Variants in NCAM2 observed in about 807,000 individuals in gnomAD.
The protein encoded by NCAM2 is N-CAM-2.
A neutral mutation model predicts 98.1 loss-of-function variants in NCAM2; 30 were observed. The observed-to-expected ratio is 0.31, with a 90% CI of 0.23 to 0.41. The LOEUF (loss-of-function observed/expected upper bound fraction) is 0.41, where lower values mean the gene tolerates loss of function less well. Among genes scored for constraint, NCAM2 ranks in the 10% least tolerant of loss-of-function variants. The pLI is 1.00. For missense variants in NCAM2, 867 were observed against 1,005.8 expected (o/e 0.86, Z 1.87); for synonymous variants, 368 against 342.4 (o/e 1.07, Z -0.83).
At chr21:21,025,180 G>A (rs904025321) in intron 1 of NCAM2, among the ~76,000 whole-genome samples, 2 of 151,886 alleles carry the variant, frequency 1.3e-5, no homozygotes, top group African/African-American at 4.8e-5. Context: ...CCGCCTCCCG[G>A]GTTCATGCCA....
intron 3 of NCAM2, among the ~76,000 whole-genome samples, chr21:21,285,587 A>AT (rs1392355601): frequency 6.6e-6 from 1 of 152,014 alleles, no homozygotes; most frequent in African/African-American, 2.4e-5. Context: ...GAATTGTGAC[A>AT]TTTGCAAAGG....
chr21:21,193,702 G>A (rs921490703), intron 1 of NCAM2, among the ~76,000 whole-genome samples: 1 of 151,880 alleles, frequency 6.6e-6, no homozygotes, highest in Non-Finnish European at 1.5e-5. Context: ...CACCATGTTG[G>A]CCAGGATGGT....
At chr21:21,229,230 G>A (rs1197760772) in intron 1 of NCAM2, among the ~76,000 whole-genome samples, 2 of 151,478 alleles carry the variant, frequency 1.3e-5, no homozygotes, top group African/African-American at 2.4e-5. Context: ...TCAAATGCCT[G>A]TCACTTTAAT....
At chr21:21,016,729 TA>T (rs1315249048) in intron 1 of NCAM2, among the ~76,000 whole-genome samples, 1 of 151,932 alleles carries the variant, frequency 6.6e-6, no homozygotes, top group Non-Finnish European at 1.5e-5. Context: ...TATATCTGCT[TA>T]TATATTATTA....
Position 21,537,968 on chromosome 21 carries a change from A to T in NCAM2, c.*11A>T. ...GACAGCAAAGCATAACAACAATATT[A>T]CAGGGGCTTGAACAACACTACGAAG... On this transcript the variant is annotated 3_prime_UTR_variant, in exon 18 of 18. Transcript: ENST00000400546. 1 of 1,444,116 alleles carries T rather than the reference A, an allele frequency of 6.9e-7. No individual in the cohort carries two copies. Among genetic ancestry groups the T allele is most frequent in the Non-Finnish European group, 9.5e-7 (1 of 1,055,276 alleles). 89.5% of individuals were successfully genotyped at this position (1,444,116 alleles called of 1,614,324 possible).
chr21:21,385,551 A>C (rs1257797403), intron 9 of NCAM2: 4 of 841,012 alleles, frequency 4.8e-6, no homozygotes, highest in African/African-American at 3.5e-5. Context: ...CACTAAACTT[A>C]AGGTGTTAGA....
chr21:21,370,333 A>C (rs2148035112), intron 8 of NCAM2, among the ~76,000 whole-genome samples: 1 of 151,916 alleles, frequency 6.6e-6, no homozygotes, highest in South Asian at 2.1e-4. Flanking sequence ...AAACGTGCTA[A>C]TTTATTCCCA....
chr21:21,417,917 T>C (rs2077026004), intron 10 of NCAM2, among the ~76,000 whole-genome samples: 1 of 152,054 alleles, frequency 6.6e-6, no homozygotes, highest in African/African-American at 2.4e-5. Context: ...CCTCCTTCGT[T>C]AGTATTATAT....
intron 1 of NCAM2, among the ~76,000 whole-genome samples, chr21:21,256,252 A>G (rs145300407): frequency 6.6e-6 from 1 of 152,084 alleles, no homozygotes; most frequent in Non-Finnish European, 1.5e-5. Flanking sequence ...GCAACTAGGG[A>G]GGCTGAGGCA....
chr21:21,354,356 T>C (rs1732998101), intron 8 of NCAM2, among the ~76,000 whole-genome samples: 1 of 152,216 alleles, frequency 6.6e-6, no homozygotes, highest in Non-Finnish European at 1.5e-5. Context: ...ATCTCTTTTC[T>C]GTATTCATGT....
intron 1 of NCAM2, among the ~76,000 whole-genome samples, chr21:21,200,330 C>T (rs1438777164): frequency 6.7e-6 from 1 of 149,096 alleles, no homozygotes; most frequent in Non-Finnish European, 1.5e-5. Context: ...TGAGGGTTCT[C>T]AGAAGTCGCA....
At chr21:21,286,459 C>A (rs201311347) in intron 4 of NCAM2, 47 bp downstream of exon 4, 3 of 1,539,446 alleles carry the variant, frequency 1.9e-6, no homozygotes, top group Non-Finnish European at 2.6e-6. Context: ...AATACTATTG[C>A]AGTTTTTAAA....
chr21:21,504,279 C>T (rs1987828742), intron 15 of NCAM2, among the ~76,000 whole-genome samples: 1 of 151,814 alleles, frequency 6.6e-6, no homozygotes, highest in South Asian at 2.1e-4. Flanking sequence ...TCTCAGTTTT[C>T]TTTTATGTAA....
intron 1 of NCAM2, among the ~76,000 whole-genome samples, chr21:21,026,943 A>C (rs1341383025): frequency 7.1e-6 from 1 of 141,118 alleles, no homozygotes; most frequent in East Asian, 2.1e-4. Flanking sequence ...CACAACCTCC[A>C]CCTCCCAGGC....
chr21:21,433,090 A>G (rs2077380090), intron 12 of NCAM2, among the ~76,000 whole-genome samples: 1 of 152,208 alleles, frequency 6.6e-6, no homozygotes, highest in African/African-American at 2.4e-5. Flanking sequence ...GAACATAGAG[A>G]GAAAGCAAAT....
intron 12 of NCAM2, among the ~76,000 whole-genome samples, chr21:21,460,043 A>G (rs553563800): frequency 2.0e-4 from 30 of 152,076 alleles, no homozygotes; most frequent in African/African-American, 6.7e-4. Context: ...ATATCAAAAC[A>G]TCAAGTTAAA....
chr21:21,270,100 C>A (rs981105653), intron 1 of NCAM2, among the ~76,000 whole-genome samples: 4 of 152,024 alleles, frequency 2.6e-5, no homozygotes, highest in Admixed American at 2.0e-4. Context: ...TTTAGTACTG[C>A]GTAATATTAG....
chr21:21,368,458 T>C (rs2148026611), intron 8 of NCAM2, among the ~76,000 whole-genome samples: 1 of 152,008 alleles, frequency 6.6e-6, no homozygotes, highest in Non-Finnish European at 1.5e-5. Context: ...CATCTTAGTC[T>C]GTTCACGCTG....
chr21:21,068,958 C>T (rs1257419802), intron 1 of NCAM2, among the ~76,000 whole-genome samples: 1 of 152,156 alleles, frequency 6.6e-6, no homozygotes, highest in Non-Finnish European at 1.5e-5. Flanking sequence ...TGGCCAAATG[C>T]TTTCCTGGAA....
Sources: allele counts gnomAD v4.1 joint callset (sites outside exome capture counted in the v4.1 genomes callset), GRCh38; gene constraint gnomAD v4.1.1; transcripts MANE v1.5; gene names NCBI Gene and HGNC (gene_info 2026-07-23, HGNC 2026-07-21).